Variants in FSTL5 observed in about 807,000 individuals in gnomAD.
The protein encoded by FSTL5 is follistatin-related protein 5.
A neutral mutation model predicts 89.1 loss-of-function variants in FSTL5; 62 were observed. The ratio of observed to expected loss-of-function variants is 0.70; its 90% CI spans 0.57 to 0.86. FSTL5 has a LOEUF of 0.86. Among genes scored for constraint, FSTL5 ranks in the 40% least tolerant of loss-of-function variants. The probability of loss-of-function intolerance (pLI) is 0.00; values close to 1 mark genes in which losing one functional copy is unlikely to be tolerated. For missense variants in FSTL5, 1,057 were observed against 1,001.6 expected (o/e 1.06, Z -0.75); for synonymous variants, 383 against 346.2 (o/e 1.11, Z -1.18).
At chr4:162,133,343 C>T (rs752169353) in intron 1 of FSTL5, among the ~76,000 whole-genome samples, 5 of 152,172 alleles carry the variant, frequency 3.3e-5, no homozygotes, top group African/African-American at 4.8e-5. Context: ...ACCTTCTCCA[C>T]GGTCACACAG....
At chr4:161,764,101 A>G (rs966707059) in intron 5 of FSTL5, among the ~76,000 whole-genome samples, 1 of 152,206 alleles carries the variant, frequency 6.6e-6, no homozygotes, top group Admixed American at 6.5e-5. Flanking sequence ...AGAGATGATC[A>G]CTGGAAACAG....
chr4:161,474,384 T>C (rs530439682), intron 13 of FSTL5, among the ~76,000 whole-genome samples: 3 of 152,148 alleles, frequency 2.0e-5, no homozygotes, highest in Non-Finnish European at 4.4e-5. Flanking sequence ...AATAATAACT[T>C]TTAGACTAAT....
chr4:162,057,317 T>G (rs1738577321), intron 2 of FSTL5, among the ~76,000 whole-genome samples: 1 of 152,194 alleles, frequency 6.6e-6, no homozygotes, highest in African/African-American at 2.4e-5. Flanking sequence ...TCTATTCTGA[T>G]AAACTCTCCG....
chr4:161,454,521 A>C (rs545947149), intron 15 of FSTL5, among the ~76,000 whole-genome samples: 8 of 152,182 alleles, frequency 5.3e-5, no homozygotes, highest in Non-Finnish European at 1.0e-4. Context: ...TTCCTAATAC[A>C]ATTTTATATT....
chr4:161,829,972 T>C (rs1301752231), intron 4 of FSTL5, among the ~76,000 whole-genome samples: 1 of 152,078 alleles, frequency 6.6e-6, no homozygotes, highest in Non-Finnish European at 1.5e-5. Flanking sequence ...GAACCATTTT[T>C]TGAGATGTAT....
chr4:161,999,637 G>A (rs570680724), intron 3 of FSTL5, among the ~76,000 whole-genome samples: 1 of 152,110 alleles, frequency 6.6e-6, no homozygotes, highest in South Asian at 2.1e-4. Context: ...ATATGTAAAT[G>A]ATCATTTAAA....
chr4:161,501,013 T>A (rs1388592690), intron 11 of FSTL5, among the ~76,000 whole-genome samples: 1 of 152,148 alleles, frequency 6.6e-6, no homozygotes, highest in Non-Finnish European at 1.5e-5. Flanking sequence ...GGTCCTTGCC[T>A]ATATAGCTCT....
intron 6 of FSTL5, among the ~76,000 whole-genome samples, chr4:161,671,231 A>G (rs904740062): frequency 6.6e-6 from 1 of 152,214 alleles, no homozygotes; most frequent in Non-Finnish European, 1.5e-5. Context: ...ATTGCAGAAG[A>G]GTTAAGTATA....
At chr4:161,424,469 G>A (rs1200304775) in intron 15 of FSTL5, among the ~76,000 whole-genome samples, 1 of 148,134 alleles carries the variant, frequency 6.8e-6, no homozygotes, top group Non-Finnish European at 1.5e-5. Context: ...AATGTTTCCT[G>A]TAGAAGACTT....
chr4:161,749,892 A>C (rs1560824162), intron 6 of FSTL5, among the ~76,000 whole-genome samples: 1 of 151,970 alleles, frequency 6.6e-6, no homozygotes, highest in Non-Finnish European at 1.5e-5. Flanking sequence ...AGAGTTGAAA[A>C]ATTACTTATT....
At chr4:161,930,351 A>G (rs900497675) in intron 3 of FSTL5, among the ~76,000 whole-genome samples, 2 of 151,902 alleles carry the variant, frequency 1.3e-5, no homozygotes, top group Non-Finnish European at 2.9e-5. Context: ...CTATGGTTGA[A>G]TTAAAATACT....
At chr4:161,681,457 A>G (rs1737515328) in intron 6 of FSTL5, among the ~76,000 whole-genome samples, 1 of 152,218 alleles carries the variant, frequency 6.6e-6, no homozygotes, top group Non-Finnish European at 1.5e-5. Flanking sequence ...CATTAGGGGT[A>G]TACTAAACAT....
At position 162,048,048 on chromosome 4, in the gene FSTL5, C is replaced by T. The variant is rs577925914; in HGVS notation, c.127-14390G>A. 1.1e-4 allele frequency among the ~76,000 whole-genome samples: 16 copies of T among 152,040 alleles called. No individual in the cohort carries two copies. The South Asian group carries it at 3.3e-3, about 32-fold the overall frequency. ...GTTCATGTTAAAGCCTATTCCCAGC[C>T]AGGTGTGGCGGGTCACGCCTGTAAT... On this transcript the variant is annotated intron_variant, in intron 2 of 15. Transcript: ENST00000306100.
chr4:162,076,482 G>C (rs1413035314), intron 2 of FSTL5, among the ~76,000 whole-genome samples: 1 of 151,892 alleles, frequency 6.6e-6, no homozygotes, highest in Non-Finnish European at 1.5e-5. Flanking sequence ...GTTTGCTGCA[G>C]CTTATTTCAA....
Position 161,975,881 on chromosome 4 carries a change from C to T in FSTL5, c.161-55229G>A, listed in dbSNP as rs372380093. Among the ~76,000 whole-genome samples, 75 of 150,946 alleles carry T rather than the reference C, an allele frequency of 5.0e-4. 1 individual carries two copies. The East Asian group carries it at 9.6e-3, about 19-fold the overall frequency. On this transcript the variant is annotated intron_variant, in intron 3 of 15. Coordinates refer to ENST00000306100, the MANE Select transcript of FSTL5 (RefSeq NM_020116.5). ...CTGTAATCCCAGCACTTTGGGAGGC[C>T]GAGGCGGGCGGATCACGAGGCCAGG...
intron 6 of FSTL5, among the ~76,000 whole-genome samples, chr4:161,718,520 C>T (rs1279393005): frequency 6.6e-6 from 1 of 152,048 alleles, no homozygotes; most frequent in East Asian, 1.9e-4. Flanking sequence ...CCTCCGCCTC[C>T]CAGGTTCAAG....
chr4:161,641,169 A>C (rs1735945669), intron 7 of FSTL5, among the ~76,000 whole-genome samples: 1 of 152,170 alleles, frequency 6.6e-6, no homozygotes, highest in South Asian at 2.1e-4. Context: ...GCAGGGTGAA[A>C]AAAGGTTACT....
chr4:161,726,183 G>GA (rs57083069), intron 6 of FSTL5, among the ~76,000 whole-genome samples: 4 of 148,540 alleles, frequency 2.7e-5, no homozygotes, highest in Non-Finnish European at 4.5e-5. Flanking sequence ...AGGATCTTTG[G>GA]AAAAAAATTA....
intron 2 of FSTL5, among the ~76,000 whole-genome samples, chr4:162,044,671 T>C (rs1007077493): frequency 1.3e-4 from 20 of 152,204 alleles, no homozygotes; most frequent in Admixed American, 6.6e-5. Context: ...TTTCGTCCAA[T>C]TGAAAAATCT....
Sources: gnomAD v4.1 joint callset for allele counts (sites outside exome capture counted in the v4.1 genomes callset) on GRCh38, gnomAD v4.1.1 for gene constraint, MANE v1.5 for transcripts, NCBI Gene and HGNC (gene_info 2026-07-23, HGNC 2026-07-21) for gene names.